NAV2: variants seen among roughly 807,000 people sequenced by gnomAD.
The protein encoded by NAV2 is helicase, APC down-regulated 1.
A neutral mutation model predicts 223.2 loss-of-function variants in NAV2; 54 were observed. The ratio of observed to expected loss-of-function variants is 0.24; its 90% CI spans 0.19 to 0.30. The LOEUF (loss-of-function observed/expected upper bound fraction) is 0.30, where lower values mean the gene tolerates loss of function less well. Among genes scored for constraint, NAV2 ranks in the 10% least tolerant of loss-of-function variants. The pLI is 1.00. For synonymous variants in NAV2, 1,279 were observed against 1,239.3 expected, an observed-to-expected ratio of 1.03 and a Z score of -0.67; for missense variants, 2,806 against 3,147.5, an observed-to-expected ratio of 0.89 and a Z score of 2.60.
chr11:19,953,532 C>T (rs571933337), intron 10 of NAV2, among the ~76,000 whole-genome samples: 1 of 152,342 alleles, frequency 6.6e-6, no homozygotes, highest in South Asian at 2.1e-4. Flanking sequence ...CCCCTCATGC[C>T]CATCTGACTA....
In NAV2 at chr11:20,077,535, T is replaced by A; in HGVS notation, c.4984-17T>A. 1 of 1,598,524 alleles carries A rather than the reference T, an allele frequency of 6.3e-7. No individual in the cohort carries two copies. The highest frequency in any genetic ancestry group is 8.6e-7 in the Non-Finnish European group (1 of 1,165,852). ...CCTTGCAAGGTAATATAACTGAGGT[T>A]GTGTCTTCCCCTCCAGGCTCACCTT... On this transcript the variant is annotated splice_polypyrimidine_tract_variant and intron_variant, in intron 22 of 37. Coordinates refer to ENST00000349880, the MANE Select transcript of NAV2 (RefSeq NM_145117.5).
chr11:19,559,608 G>A (rs1458533899), intron 1 of NAV2, among the ~76,000 whole-genome samples: 1 of 152,186 alleles, frequency 6.6e-6, no homozygotes, highest in African/African-American at 2.4e-5. Flanking sequence ...CACTAGGGTG[G>A]CTGAGGGTGG....
chr11:19,565,521 C>G (rs1384348654), intron 1 of NAV2, among the ~76,000 whole-genome samples: 2 of 152,180 alleles, frequency 1.3e-5, no homozygotes, highest in Non-Finnish European at 2.9e-5. Flanking sequence ...CTCCCAGGAA[C>G]CCAGGAGTCA....
At chr11:19,690,214 C>T (rs1249896364) in intron 1 of NAV2, among the ~76,000 whole-genome samples, 1 of 152,146 alleles carries the variant, frequency 6.6e-6, no homozygotes, top group East Asian at 1.9e-4. Context: ...CACCCACCTC[C>T]GCCTCCCAAA....
intron 1 of NAV2, among the ~76,000 whole-genome samples, chr11:19,384,075 T>A (rs927551261): frequency 8.5e-5 from 13 of 152,194 alleles, no homozygotes; most frequent in Non-Finnish European, 1.3e-4. Context: ...AATAGAAGAC[T>A]GTGCAAAACA....
At chr11:19,570,410 G>C (rs1160672597) in intron 1 of NAV2, among the ~76,000 whole-genome samples, 1 of 152,164 alleles carries the variant, frequency 6.6e-6, no homozygotes, top group East Asian at 1.9e-4. Context: ...TGGATTGTTA[G>C]ATACAACATC....
At position 20,018,900 on chromosome 11, in the gene NAV2, A is replaced by C. The variant is rs76087159; in HGVS notation, c.2769-17059A>C. Among the ~76,000 whole-genome samples, 1,386 of 152,226 alleles carry C rather than the reference A, an allele frequency of 9.1e-3. 73 individuals carry two copies. In the South Asian group the frequency reaches 0.1, roughly 11 times the overall value. ...TGGGCCGCCAGTGGGAGACATGGGGAGGAGCATTCCAGAAAGGAGGCACAG... is the reference window on the plus strand; with the variant it reads ...TGGGCCGCCAGTGGGAGACATGGGGCGGAGCATTCCAGAAAGGAGGCACAG... On this transcript the variant is annotated intron_variant, in intron 11 of 37. Transcript: ENST00000349880.
At chr11:19,673,687 T>A (rs2048631655) in intron 1 of NAV2, among the ~76,000 whole-genome samples, 1 of 152,320 alleles carries the variant, frequency 6.6e-6, no homozygotes, top group South Asian at 2.1e-4. Flanking sequence ...TGCCTTGTCT[T>A]CTGGTTTTGT....
At chr11:19,403,453 C>A (rs929074787) in intron 1 of NAV2, among the ~76,000 whole-genome samples, 19 of 152,114 alleles carry the variant, frequency 1.2e-4, no homozygotes, top group Admixed American at 5.2e-4. Context: ...GGGCTTTGAA[C>A]AAAAGCTGCA....
chr11:19,933,616 A>T lies in NAV2; in HGVS notation c.1372A>T (p.Ser458Cys). The T allele has an allele frequency of 6.2e-7, 1 of 1,614,118 alleles. No homozygotes were observed. The highest frequency in any genetic ancestry group is 8.5e-7 in the Non-Finnish European group (1 of 1,179,928). ...CACCACCGTGGGCCCTGCTTCCAGCAGCCCCAAGATTGCACTCAAGGGCAT... is the reference window on the plus strand; with the variant it reads ...CACCACCGTGGGCCCTGCTTCCAGCTGCCCCAAGATTGCACTCAAGGGCAT... ...MLTTVGPASS[S>C]PKIALKGIAQ... The change falls in exon 7 of 38, where the codon AGC (serine) becomes TGC (cysteine). Residue 458 changes from serine (S) to cysteine (C), a missense_variant. Ser to Cys is a moderately radical substitution (Grantham distance 112). This residue lies in a region of NAV2 where 1,167 missense variants were observed against 1,180.5 expected (regional missense o/e 0.99). Coordinates refer to ENST00000349880, the MANE Select transcript of NAV2 (RefSeq NM_145117.5). The surrounding 1 kb of genome is among the most constrained non-coding windows in gnomAD (Gnocchi z 4.3).
chr11:19,943,940 G>A (rs1668663663), intron 8 of NAV2, among the ~76,000 whole-genome samples: 1 of 133,372 alleles, frequency 7.5e-6, no homozygotes, highest in East Asian at 2.7e-4. Context: ...GCTCACGCCT[G>A]TAATCCCAGC....
At chr11:20,070,478 C>G (rs1430716064) in intron 22 of NAV2, among the ~76,000 whole-genome samples, 2 of 152,214 alleles carry the variant, frequency 1.3e-5, no homozygotes, top group Non-Finnish European at 2.9e-5. Flanking sequence ...GAACTCTGCT[C>G]TCTGTTCTAG....
chr11:19,624,647 ATCTGTCAC>A (rs2047109711), intron 1 of NAV2, among the ~76,000 whole-genome samples: 1 of 152,200 alleles, frequency 6.6e-6, no homozygotes, highest in South Asian at 2.1e-4. Flanking sequence ...TCCTGGTGCC[ATCTGTCAC>A]AGCTTCCCTT....
chr11:19,621,020 A>G (rs1278101235), intron 1 of NAV2, among the ~76,000 whole-genome samples: 1 of 152,134 alleles, frequency 6.6e-6, no homozygotes, highest in Non-Finnish European at 1.5e-5. Context: ...TGAGATAATC[A>G]TGTGGTTTTT....
chr11:20,080,661 C>T (rs1374504665), intron 25 of NAV2, among the ~76,000 whole-genome samples: 4 of 152,132 alleles, frequency 2.6e-5, no homozygotes, highest in Non-Finnish European at 5.9e-5. Context: ...ATCAAACCAA[C>T]CCTCTCTTTG....
chr11:19,827,510 G>T (rs1590759444), intron 1 of NAV2, among the ~76,000 whole-genome samples: 1 of 152,106 alleles, frequency 6.6e-6, no homozygotes, highest in Non-Finnish European at 1.5e-5. Context: ...TTTTATGGAG[G>T]ATAAAACCAA....
intron 11 of NAV2, among the ~76,000 whole-genome samples, chr11:20,017,861 C>T (rs2054142638): frequency 1.3e-5 from 2 of 152,206 alleles, no homozygotes; most frequent in Admixed American, 6.5e-5. Context: ...ATGTGTGTCA[C>T]ATCTTTTAAT....
At chr11:19,382,081 G>A (rs541206973) in intron 1 of NAV2, among the ~76,000 whole-genome samples, 1 of 152,176 alleles carries the variant, frequency 6.6e-6, no homozygotes, top group Non-Finnish European at 1.5e-5. Context: ...CTTCCAGGGG[G>A]CTGCCTTATG....
intron 1 of NAV2, among the ~76,000 whole-genome samples, chr11:19,737,069 G>A (rs1289446495): frequency 6.6e-6 from 1 of 152,248 alleles, no homozygotes; most frequent in Admixed American, 6.5e-5. Context: ...AGAGCCCAAG[G>A]CAACACCACT....
Sources: allele counts gnomAD v4.1 joint callset (sites outside exome capture counted in the v4.1 genomes callset), GRCh38; gene constraint gnomAD v4.1.1; regional missense constraint gnomAD v4.1.1; non-coding constraint Gnocchi (gnomAD v3.1); transcripts MANE v1.5; gene names NCBI Gene and HGNC (gene_info 2026-07-23, HGNC 2026-07-21).